The following POPDC3 variants were observed in gnomAD, a reference collection of about 807,000 sequenced individuals.
POPDC3 encodes the protein popeye domain-containing protein 3.
Under a neutral mutation model 28.2 loss-of-function variants are expected in POPDC3, and 20 were observed. The ratio of observed to expected loss-of-function variants is 0.71; its 90% confidence interval spans 0.50 to 1.03. POPDC3 has a LOEUF of 1.03. Among genes scored for constraint, POPDC3 ranks in the 50% least tolerant of loss-of-function variants. The pLI, the probability that POPDC3 is intolerant of heterozygous loss-of-function variation, is 0.00. For missense variants in POPDC3, 316 were observed against 345.9 expected (o/e 0.91, Z 0.69); for synonymous variants, 118 against 124.1 (o/e 0.95, Z 0.33).
At chr6:105,168,519 C>T (rs895999095) in intron 1 of POPDC3, among the ~76,000 whole-genome samples, 1 of 152,216 alleles carries the variant, frequency 6.6e-6, no homozygotes, top group Admixed American at 6.5e-5. Flanking sequence ...TATCTCTACC[C>T]ATGATTGATC....
chr6:105,163,055 A>G (rs1394255238), intron 1 of POPDC3, among the ~76,000 whole-genome samples: 1 of 152,208 alleles, frequency 6.6e-6, no homozygotes, highest in Non-Finnish European at 1.5e-5. Context: ...TAAATTTGGC[A>G]TGATAAGGAA....
Position 105,158,939 on chromosome 6 carries a change from A to T in POPDC3, c.595-188T>A, listed in dbSNP as rs924568713. Reference sequence around the variant, plus strand: ...CGTTACTACATACGTAATTTATAATATGAATAATCACAATGTTCTAGCCAT... The same window carrying T: ...CGTTACTACATACGTAATTTATAATTTGAATAATCACAATGTTCTAGCCAT... On this transcript the variant is annotated intron_variant, in intron 3 of 3. Coordinates refer to ENST00000254765, the MANE Select transcript of POPDC3 (RefSeq NM_022361.5). 2.0e-5 allele frequency: 9 copies of T among 456,496 alleles called. No individual in the cohort carries two copies. The Admixed American group carries it at 3.3e-4, about 17-fold the overall frequency. 28.3% of individuals were successfully genotyped at this position (456,496 alleles called of 1,614,324 possible).
intron 1 of POPDC3, among the ~76,000 whole-genome samples, chr6:105,177,320 C>G (rs1294725259): frequency 6.6e-6 from 1 of 151,816 alleles, no homozygotes; most frequent in Non-Finnish European, 1.5e-5. Context: ...AGAAATAACT[C>G]AAAGTGTGGG....
intron 1 of POPDC3, chr6:105,163,615 G>C (rs919123589): frequency 6.6e-6 from 1 of 152,074 alleles, no homozygotes; most frequent in East Asian, 1.9e-4. Context: ...AAAAAATACA[G>C]AGGTGAAAAT....
In POPDC3 at chr6:105,158,386, G is replaced by A; in HGVS notation, c.*84C>T. ...ATTTGATTTATAAAAACATTAGGGA[G>A]CTCTTTTTTTGTATTTTGCTATTTC... On this transcript the variant is annotated 3_prime_UTR_variant, in exon 4 of 4. Coordinates refer to ENST00000254765, the MANE Select transcript of POPDC3 (RefSeq NM_022361.5). The A allele has an allele frequency of 8.6e-7, 1 of 1,156,354 alleles. No individual in the cohort carries two copies. The highest frequency in any genetic ancestry group is 1.2e-6 in the Non-Finnish European group (1 of 828,182). 71.6% of individuals were successfully genotyped at this position (1,156,354 alleles called of 1,614,324 possible).
At chr6:105,170,718 CTG>C (rs1425610015) in intron 1 of POPDC3, among the ~76,000 whole-genome samples, 1 of 152,178 alleles carries the variant, frequency 6.6e-6, no homozygotes, top group Admixed American at 6.5e-5. Context: ...CTATACTAAA[CTG>C]TGCAATAACA....
chr6:105,171,452 TG>T (rs1774575586), intron 1 of POPDC3, among the ~76,000 whole-genome samples: 1 of 152,070 alleles, frequency 6.6e-6, no homozygotes, highest in Admixed American at 6.6e-5. Context: ...GAGGATTGCT[TG>T]ATCACAGGAG....
rs1453259043 is a variant in POPDC3 at position 105,179,991 on chromosome 6, C to G, written c.-410G>C. On this transcript the variant is annotated 5_prime_UTR_variant, in exon 1 of 4. Coordinates refer to ENST00000254765, the MANE Select transcript of POPDC3 (RefSeq NM_022361.5). ...GGCGCCGGGCGCAGCGTGACCGCAG[C>G]GGGCTCCGGAGCGGCGCGGCGGCGC... 1 of 146,922 alleles carries G rather than the reference C, an allele frequency of 6.8e-6. No individual in the cohort carries two copies. Among genetic ancestry groups the G allele is most frequent in the African/African-American group, 2.4e-5 (1 of 40,820 alleles). The allele number at this position is 146,922 out of a possible 1,614,324, so 9.1% of individuals were successfully genotyped here. A position where few individuals can be genotyped will look rare whatever the true frequency, so the allele number is the denominator to read the frequency against.
At chr6:105,168,325 C>T (rs1391510454) in intron 1 of POPDC3, among the ~76,000 whole-genome samples, 4 of 152,108 alleles carry the variant, frequency 2.6e-5, no homozygotes, top group Non-Finnish European at 5.9e-5. Context: ...TCACACCAGC[C>T]TTTGCTTTCA....
Position 105,158,529 on chromosome 6 carries a change from T to C in POPDC3, c.817A>G (p.Ile273Val), listed in dbSNP as rs1278407149. The C allele has an allele frequency of 6.2e-7, 1 of 1,614,036 alleles. No homozygotes were observed. The part of the protein sequence containing the change: ...PNFYQMSTPE[I>V]RRSPLTQHFQ... The stretch of plus-strand genomic sequence containing the variant: ...TGTTGTGTCAGGGGTGATCTGCGTA[T>C]TTCTGGAGTTGACATTTGATAGAAG... Residue 273 changes from isoleucine (I) to valine (V), a missense_variant, in exon 4 of 4, where the codon ATA becomes GTA. Coordinates refer to ENST00000254765, the MANE Select transcript of POPDC3 (RefSeq NM_022361.5).
At chr6:105,169,271 T>G (rs1368636055) in intron 1 of POPDC3, 5 of 152,064 alleles carry the variant, frequency 3.3e-5, no homozygotes, top group South Asian at 2.1e-4. Flanking sequence ...ATCAGGAAAA[T>G]CAGCTGAGAA....
intron 1 of POPDC3, among the ~76,000 whole-genome samples, chr6:105,174,263 T>G (rs1774639645): frequency 6.6e-6 from 1 of 152,202 alleles, no homozygotes; most frequent in Non-Finnish European, 1.5e-5. Flanking sequence ...GGTCTTGAAC[T>G]CCTGACTTCA....
chr6:105,159,973 T>C (rs759348597), intron 2 of POPDC3, 154 bp from the exon 3 acceptor site: 4 of 545,888 alleles, frequency 7.3e-6, no homozygotes, highest in Non-Finnish European at 1.3e-5. Context: ...TACATTATAA[T>C]AAGTGACATA....
In POPDC3 at chr6:105,161,863, G is replaced by C. The variant is rs377454510; in HGVS notation, c.47C>G (p.Pro16Arg). The stretch of plus-strand genomic sequence containing the variant: ...CTCTTGCTTCCAGGTTGTGCAGACT[G>C]GGTGTTCATCTATTAGGTTCTTCCA... ...SLWKNLIDEH[P>R]VCTTWKQEAE... Residue 16 changes from proline to arginine, a missense_variant, in exon 2 of 4, where the codon CCA (proline) becomes CGA (arginine). Transcript: ENST00000254765. The C allele has an allele frequency of 6.2e-7, 1 of 1,612,552 alleles. No individual in the cohort carries two copies. Among genetic ancestry groups the C allele is most frequent in the Non-Finnish European group, 8.5e-7 (1 of 1,179,622 alleles).
At chr6:105,162,181 T>C (rs1298394077) in intron 1 of POPDC3, 21 bp from the exon 2 acceptor site, 3 of 1,189,448 alleles carry the variant, frequency 2.5e-6, no homozygotes, top group Non-Finnish European at 3.1e-6. Context: ...GAAAAAAAGA[T>C]AAAGGATCTA....
At chr6:105,161,378 A>G (rs746056425) in intron 2 of POPDC3, 47 bp downstream of exon 2, 6 of 1,564,488 alleles carry the variant, frequency 3.8e-6, no homozygotes, top group Non-Finnish European at 3.5e-6. Flanking sequence ...AAGAAACACA[A>G]ACAACTAATA....
intron 1 of POPDC3, chr6:105,176,895 G>A (rs906921271): frequency 6.6e-6 from 1 of 152,596 alleles, no homozygotes; most frequent in African/African-American, 2.4e-5. Flanking sequence ...AAAGACATAC[G>A]CAATGATTTT....
Position 105,172,271 on chromosome 6 carries a change from A to G in POPDC3, c.-252+7562T>C, listed in dbSNP as rs930886025. On this transcript the variant is annotated intron_variant, in intron 1 of 3. Coordinates refer to ENST00000254765, the MANE Select transcript of POPDC3 (RefSeq NM_022361.5). ...AAGAAGACATTTATGCAGCCAAAAA[A>G]CACATGAAAAAATGCTCATCATCAC... Among the ~76,000 whole-genome samples, 2 of 151,350 alleles carry G rather than the reference A, an allele frequency of 1.3e-5. 1 individual carries two copies. The highest frequency in any genetic ancestry group is 4.9e-5 in the African/African-American group (2 of 40,978).
chr6:105,173,869 C>A (rs750802266), intron 1 of POPDC3, among the ~76,000 whole-genome samples: 7 of 137,936 alleles, frequency 5.1e-5, no homozygotes, highest in Admixed American at 2.8e-4. Context: ...AAAAAAAAAC[C>A]CTGAAATTAA....
Sources: gnomAD v4.1 joint callset for allele counts (sites outside exome capture counted in the v4.1 genomes callset) on GRCh38, gnomAD v4.1.1 for gene constraint, MANE v1.5 for transcripts, NCBI Gene and HGNC (gene_info 2026-07-23, HGNC 2026-07-21) for gene names.